CDX1: variants seen among roughly 807,000 people sequenced by gnomAD.
The protein encoded by CDX1 is caudal type homeobox 1, also known as homeobox protein CDX-1.
CDX1 carries 9 observed loss-of-function variants against 16.9 expected under a neutral mutation model. That is an observed-to-expected ratio of 0.53 (90% CI 0.32 to 0.93). CDX1 has a LOEUF of 0.93. Ranked by LOEUF, CDX1 falls within the 40% of genes least tolerant of loss-of-function variation. CDX1 has a pLI of 0.04. For missense variants in CDX1, 393 were observed against 386.1 expected (o/e 1.02, Z -0.15); for synonymous variants, 179 against 179.0 (o/e 1.00, Z 0.00).
At chr5:150,176,837 G>A (rs1203952990) in intron 1 of CDX1, among the ~76,000 whole-genome samples, 1 of 152,076 alleles carries the variant, frequency 6.6e-6, no homozygotes, top group Non-Finnish European at 1.5e-5. Context: ...AGTGGGGCCT[G>A]GGAATCTGCA....
chr5:150,178,062 A>G (rs1018166971), intron 1 of CDX1, among the ~76,000 whole-genome samples: 1 of 152,222 alleles, frequency 6.6e-6, no homozygotes, highest in Non-Finnish European at 1.5e-5. Context: ...CCAAATTTTG[A>G]GACCCATTCT....
intron 1 of CDX1, among the ~76,000 whole-genome samples, chr5:150,181,571 G>A (rs931681729): frequency 2.0e-5 from 3 of 152,022 alleles, no homozygotes; most frequent in Non-Finnish European, 1.5e-5. Flanking sequence ...GAGCCACCGC[G>A]CCTGGCCCTA....
intron 1 of CDX1, among the ~76,000 whole-genome samples, chr5:150,172,044 C>T (rs1029804505): frequency 5.3e-5 from 8 of 152,214 alleles, no homozygotes; most frequent in African/African-American, 1.9e-4. Flanking sequence ...TCTGGTCCCT[C>T]GGCCTGCATT....
chr5:150,172,964 A>G (rs1404399080), intron 1 of CDX1, among the ~76,000 whole-genome samples: 2 of 152,114 alleles, frequency 1.3e-5, no homozygotes, highest in Admixed American at 1.3e-4. Context: ...CTCCTGGGAT[A>G]TGGAAACAAC....
At chr5:150,183,132 C>A (rs570138340) in intron 2 of CDX1, among the ~76,000 whole-genome samples, 1 of 152,190 alleles carries the variant, frequency 6.6e-6, no homozygotes, top group African/African-American at 2.4e-5. Context: ...ATCTGATTAG[C>A]CACAGGCTAC....
rs1277341058 is a variant in CDX1, at chr5:150,177,934, G to T, written c.446-4834G>T. ...GCCCCTCTCCAGAGCCCAGAGAAGG[G>T]TGACAAGGTCTGTGGGCCAGGTCTT... On this transcript the variant is annotated intron_variant, in intron 1 of 2. Transcript: ENST00000231656. 5.3e-5 allele frequency among the ~76,000 whole-genome samples: 8 copies of T among 152,250 alleles called. No homozygotes were observed. The South Asian group carries it at 1.7e-3, about 32-fold the overall frequency.
chr5:150,172,766 A>G (rs1761523219), intron 1 of CDX1, among the ~76,000 whole-genome samples: 2 of 152,140 alleles, frequency 1.3e-5, no homozygotes, highest in African/African-American at 4.8e-5. Flanking sequence ...AAAGGGAATG[A>G]CCCAGTTAGA....
intron 1 of CDX1, 60 bp from the exon 2 acceptor site, chr5:150,182,708 C>T: frequency 6.7e-7 from 1 of 1,487,312 alleles, no homozygotes; most frequent in Non-Finnish European, 8.9e-7. Flanking sequence ...CCTGCCTGGG[C>T]CTTTTTTGTA....
At position 150,172,157 on chromosome 5, in the gene CDX1, G is replaced by C. The variant is rs1761515876; in HGVS notation, c.445+4836G>C. On this transcript the variant is annotated intron_variant, in intron 1 of 2. Transcript: ENST00000231656. Reference sequence around the variant, plus strand: ...TCCCTGATTCCTCCTCCCAAGCACTGTATCAGGCCCTTGTTTTCATGACAC... The same window carrying C: ...TCCCTGATTCCTCCTCCCAAGCACTCTATCAGGCCCTTGTTTTCATGACAC... 2.0e-5 allele frequency among the ~76,000 whole-genome samples: 3 copies of C among 152,170 alleles called. No homozygotes were observed. The South Asian group carries it at 6.2e-4, about 32-fold the overall frequency.
Position 150,183,474 on chromosome 5 carries a change from G to A in CDX1, c.592G>A (p.Val198Met). The change falls in exon 3 of 3, where the codon GTG becomes ATG. Residue 198 changes from valine to methionine, a missense_variant and splice_region_variant. By Grantham distance (21) the Val-to-Met change is conservative. Transcript: ENST00000231656. ...AANLGLTERQVKIWFQNRRAK... is the reference protein window; with the variant it reads ...AANLGLTERQMKIWFQNRRAK... Reference sequence around the variant, plus strand: ...CCATCTCTGTCCTCCAACCCCACAGGTGAAGATCTGGTTCCAAAACCGGCG... The same window carrying A: ...CCATCTCTGTCCTCCAACCCCACAGATGAAGATCTGGTTCCAAAACCGGCG... 6.3e-7 allele frequency: 1 copy of A among 1,599,622 alleles called. No individual in the cohort carries two copies. Among genetic ancestry groups the A allele is most frequent in the Non-Finnish European group, 8.5e-7 (1 of 1,171,500 alleles).
chr5:150,176,576 C>A (rs1761572435), intron 1 of CDX1, among the ~76,000 whole-genome samples: 1 of 152,082 alleles, frequency 6.6e-6, no homozygotes, highest in Non-Finnish European at 1.5e-5. Flanking sequence ...AGCAAGGTGG[C>A]AGGGGGGGCC....
intron 1 of CDX1, among the ~76,000 whole-genome samples, chr5:150,181,588 T>A (rs1204357781): frequency 6.6e-6 from 1 of 152,140 alleles, no homozygotes; most frequent in East Asian, 1.9e-4. Context: ...CCTACATGAC[T>A]CTTTCCTGTA....
chr5:150,180,398 G>A lies in CDX1; in HGVS notation c.446-2370G>A, dbSNP rs566508123. 3.3e-5 allele frequency among the ~76,000 whole-genome samples: 5 copies of A among 152,346 alleles called. No homozygotes were observed. The East Asian group carries it at 9.6e-4, about 29-fold the overall frequency. On this transcript the variant is annotated intron_variant, in intron 1 of 2. Transcript: ENST00000231656. Reference sequence around the variant, plus strand: ...CAGTGTGGTTCCTCTGCTCTGGCAGGAAACCCAGGGAAAAGCTGCCCAGGA... The same window carrying A: ...CAGTGTGGTTCCTCTGCTCTGGCAGAAAACCCAGGGAAAAGCTGCCCAGGA...
chr5:150,174,682 T>C (rs573012958), intron 1 of CDX1, among the ~76,000 whole-genome samples: 5 of 152,324 alleles, frequency 3.3e-5, no homozygotes, highest in Admixed American at 2.0e-4. Context: ...TGCTGTCATA[T>C]TGGACAGTGC....
intron 1 of CDX1, among the ~76,000 whole-genome samples, chr5:150,170,246 G>A (rs929869914): frequency 6.6e-6 from 1 of 152,144 alleles, no homozygotes; most frequent in African/African-American, 2.4e-5. Flanking sequence ...CACCTCCTCT[G>A]TGAAGCCCTC....
chr5:150,175,154 T>C (rs1761553742), intron 1 of CDX1, among the ~76,000 whole-genome samples: 1 of 152,210 alleles, frequency 6.6e-6, no homozygotes, highest in Non-Finnish European at 1.5e-5. Context: ...AAGTACTTTG[T>C]TAAGTAGGTT....
chr5:150,180,221 T>C (rs952999091), intron 1 of CDX1, among the ~76,000 whole-genome samples: 1 of 152,228 alleles, frequency 6.6e-6, no homozygotes, highest in Non-Finnish European at 1.5e-5. Context: ...GAGCCGGCGT[T>C]GCATTTTCTA....
intron 1 of CDX1, among the ~76,000 whole-genome samples, chr5:150,179,476 G>A (rs1448174481): frequency 6.6e-6 from 1 of 152,232 alleles, no homozygotes; most frequent in East Asian, 1.9e-4. Flanking sequence ...AGAAACCTGA[G>A]TCCTGGTTCA....
At chr5:150,173,460 C>T (rs527641321) in intron 1 of CDX1, among the ~76,000 whole-genome samples, 2 of 152,332 alleles carry the variant, frequency 1.3e-5, no homozygotes, top group Non-Finnish European at 2.9e-5. Flanking sequence ...CAGGTCTTGG[C>T]TTAAATGTGG....
Sources: allele counts gnomAD v4.1 joint callset (sites outside exome capture counted in the v4.1 genomes callset), GRCh38; gene constraint gnomAD v4.1.1; transcripts MANE v1.5; gene names NCBI Gene and HGNC (gene_info 2026-07-23, HGNC 2026-07-21).